GRIK1: variants seen among roughly 807,000 people sequenced by gnomAD.
GRIK1 encodes the protein glutamate ionotropic receptor kainate type subunit 1.
In GRIK1, 69 loss-of-function variants were observed where a neutral mutation model predicts 105.7. The observed-to-expected ratio is 0.65, with a 90% CI of 0.54 to 0.80. GRIK1 has a LOEUF of 0.80. Among genes scored for constraint, GRIK1 ranks in the 30% least tolerant of loss-of-function variants. GRIK1 has a pLI of 0.00. For synonymous variants in GRIK1, 438 were observed against 431.3 expected (o/e 1.02, Z -0.19); for missense variants, 1,109 against 1,167.3 (o/e 0.95, Z 0.73).
At chr21:29,721,542 A>G (rs2064322221) in intron 1 of GRIK1, among the ~76,000 whole-genome samples, 1 of 152,088 alleles carries the variant, frequency 6.6e-6, no homozygotes, top group African/African-American at 2.4e-5. Context: ...GCAAGTGACT[A>G]AAAAGCAATC....
chr21:29,597,572 A>G (rs535720003), intron 8 of GRIK1: 1 of 397,230 alleles, frequency 2.5e-6, no homozygotes, highest in African/African-American at 2.1e-5. Context: ...CCCTCCAGCC[A>G]ACATCCCATG....
intron 14 of GRIK1, among the ~76,000 whole-genome samples, chr21:29,568,941 T>C (rs79811754): frequency 1.5e-3 from 224 of 152,396 alleles, no homozygotes; most frequent in African/African-American, 5.2e-3. Context: ...CTCTGTTTCT[T>C]GTCTGCATTC....
At chr21:29,730,782 G>A (rs1194635363) in intron 1 of GRIK1, among the ~76,000 whole-genome samples, 1 of 151,984 alleles carries the variant, frequency 6.6e-6, no homozygotes, top group African/African-American at 2.4e-5. Context: ...GACATTCATA[G>A]CCACGGTATC....
At chr21:29,939,294 C>G (rs886264223) in intron 1 of GRIK1, 89 bp downstream of exon 1, 2 of 767,342 alleles carry the variant, frequency 2.6e-6, no homozygotes, top group Non-Finnish European at 4.4e-6. Context: ...CCTGCGCCGC[C>G]GCGCGCTGCC....
In GRIK1 at chr21:29,848,779, A is replaced by ATTTTT. The variant is rs1555898508; in HGVS notation, c.118+90599_118+90603dup. Among the ~76,000 whole-genome samples, 245 of 77,842 alleles carry ATTTTT rather than the reference A, an allele frequency of 3.1e-3. 5 individuals carry two copies. Among genetic ancestry groups the ATTTTT allele is most frequent in the Middle Eastern group, 0.013 (1 of 78 alleles). 51.1% of individuals were successfully genotyped at this position (77,842 alleles called of 152,430 possible). A position where few individuals can be genotyped will look rare whatever the true frequency, so the allele number is the denominator to read the frequency against. On this transcript the variant is annotated intron_variant, in intron 1 of 17. Coordinates refer to ENST00000327783, the MANE Select transcript of GRIK1 (RefSeq NM_001330994.2). ...TGTATATATATATATATATATATAT[A>ATTTTT]TTTTTTTTTTTTTCCACGATCTTCA...
In GRIK1 at chr21:29,836,371, G is replaced by A. The variant is rs541380822; in HGVS notation, c.118+103012C>T. Among the ~76,000 whole-genome samples, 135 of 152,214 alleles carry A rather than the reference G, an allele frequency of 8.9e-4. 2 individuals are homozygous for A. Among genetic ancestry groups the A allele is most frequent in the South Asian group, 7.9e-3 (38 of 4,816 alleles). On this transcript the variant is annotated intron_variant, in intron 1 of 17. Coordinates refer to ENST00000327783, the MANE Select transcript of GRIK1 (RefSeq NM_001330994.2). Reference sequence around the variant, plus strand: ...TTATGATACACAGAGACAGACACACGTCCCCTGGCTTATTTGCAGATGTTA... The same window carrying A: ...TTATGATACACAGAGACAGACACACATCCCCTGGCTTATTTGCAGATGTTA...
intron 1 of GRIK1, among the ~76,000 whole-genome samples, chr21:29,856,863 TA>T (rs2068480294): frequency 6.6e-6 from 1 of 152,130 alleles, no homozygotes; most frequent in Admixed American, 6.5e-5. Flanking sequence ...AGCAGTATTT[TA>T]GGCACCACAA....
chr21:29,576,557 A>G (rs553761444), intron 14 of GRIK1, among the ~76,000 whole-genome samples: 1 of 152,320 alleles, frequency 6.6e-6, no homozygotes, highest in South Asian at 2.1e-4. Flanking sequence ...AGAACAAAAT[A>G]ATGATATTCA....
chr21:29,549,716 C>T (rs191514377), intron 16 of GRIK1, among the ~76,000 whole-genome samples: 4 of 151,912 alleles, frequency 2.6e-5, no homozygotes, highest in African/African-American at 4.8e-5. Flanking sequence ...TTCTACAGTT[C>T]GCTTGAAATG....
chr21:29,633,632 T>A (rs1479901337), intron 7 of GRIK1, among the ~76,000 whole-genome samples: 3 of 152,198 alleles, frequency 2.0e-5, no homozygotes, highest in Non-Finnish European at 4.4e-5. Context: ...CCTATGTAAT[T>A]GGTAAAAATA....
chr21:29,753,046 A>G (rs2065244922), intron 1 of GRIK1, among the ~76,000 whole-genome samples: 1 of 152,186 alleles, frequency 6.6e-6, no homozygotes, highest in South Asian at 2.1e-4. Flanking sequence ...TTGTCAGATG[A>G]TATCATGCCA....
Position 29,560,890 on chromosome 21 carries a change from G to A in GRIK1, c.2356+734C>T, listed in dbSNP as rs540834665. ...GCTGGGATTACAGGCGTGAGCCATC[G>A]CGCCTGGCCATGATACAGTTTTCTA... On this transcript the variant is annotated intron_variant, in intron 15 of 17. Transcript: ENST00000327783. Among the ~76,000 whole-genome samples the A allele has an allele frequency of 3.6e-4, 54 of 152,076 alleles. No individual in the cohort carries two copies. In the South Asian group the frequency reaches 0.011, roughly 31 times the overall value.
intron 14 of GRIK1, among the ~76,000 whole-genome samples, chr21:29,576,157 A>C (rs1399185186): frequency 6.6e-6 from 1 of 152,126 alleles, no homozygotes; most frequent in East Asian, 1.9e-4. Flanking sequence ...GAAGAGTTGA[A>C]CTTCATGATC....
chr21:29,884,367 T>G (rs1250387879), intron 1 of GRIK1, among the ~76,000 whole-genome samples: 1 of 152,030 alleles, frequency 6.6e-6, no homozygotes, highest in African/African-American at 2.4e-5. Flanking sequence ...TTAACCAGAG[T>G]CTACTTACCA....
chr21:29,795,744 G>C (rs570910112), intron 1 of GRIK1, among the ~76,000 whole-genome samples: 2 of 152,058 alleles, frequency 1.3e-5, no homozygotes, highest in African/African-American at 4.8e-5. Context: ...ACAGATAAAG[G>C]CTCATTACTT....
intron 7 of GRIK1, among the ~76,000 whole-genome samples, chr21:29,618,199 C>A (rs1433686879): frequency 6.6e-6 from 1 of 152,238 alleles, no homozygotes; most frequent in African/African-American, 2.4e-5. Context: ...TTAATGTACA[C>A]ATGGCTGCAT....
At chr21:29,877,257 G>C (rs1288726294) in intron 1 of GRIK1, among the ~76,000 whole-genome samples, 1 of 152,102 alleles carries the variant, frequency 6.6e-6, no homozygotes, top group Admixed American at 6.6e-5. Context: ...GAATAGTGTA[G>C]AGATGTAGTC....
At chr21:29,677,712 C>T (rs1354115027) in intron 3 of GRIK1, among the ~76,000 whole-genome samples, 1 of 152,040 alleles carries the variant, frequency 6.6e-6, no homozygotes, top group African/African-American at 2.4e-5. Flanking sequence ...TTATAAATAG[C>T]GAAATAAACC....
At chr21:29,883,132 T>A (rs1179052283) in intron 1 of GRIK1, among the ~76,000 whole-genome samples, 1 of 152,098 alleles carries the variant, frequency 6.6e-6, no homozygotes, top group African/African-American at 2.4e-5. Flanking sequence ...GAAGCAGTAT[T>A]TAATATATTT....
Sources: allele counts gnomAD v4.1 joint callset (sites outside exome capture counted in the v4.1 genomes callset), GRCh38; gene constraint gnomAD v4.1.1; transcripts MANE v1.5; gene names NCBI Gene and HGNC (gene_info 2026-07-23, HGNC 2026-07-21).